Variants in SDK2 observed in about 807,000 individuals in gnomAD.
SDK2 encodes sidekick cell adhesion molecule 2.
A neutral mutation model predicts 253.9 loss-of-function variants in SDK2; 105 were observed. The ratio of observed to expected loss-of-function variants is 0.41; its 90% CI spans 0.35 to 0.49. The LOEUF is 0.49. Ranked by LOEUF, SDK2 falls within the 20% of genes least tolerant of loss-of-function variation. The pLI is 0.06. For synonymous variants in SDK2, 1,249 were observed against 1,234.9 expected, an observed-to-expected ratio of 1.01 and a Z score of -0.24; for missense variants, 2,608 against 3,003.0, an observed-to-expected ratio of 0.87 and a Z score of 3.07.
intron 34 of SDK2, 131 bp downstream of exon 34, chr17:73,380,763 A>G (rs2062823355): frequency 7.8e-6 from 6 of 765,040 alleles, no homozygotes; most frequent in Middle Eastern, 2.2e-4. Flanking sequence ...TGTTCAGGGT[A>G]GTCCCGTTTC....
intron 18 of SDK2, among the ~76,000 whole-genome samples, chr17:73,410,375 G>A (rs934580890): frequency 1.1e-4 from 17 of 152,106 alleles, no homozygotes; most frequent in Non-Finnish European, 1.8e-4. Flanking sequence ...GCGAAGTGGC[G>A]TGATCTCAGC....
intron 1 of SDK2, among the ~76,000 whole-genome samples, chr17:73,569,838 A>G (rs961518978): frequency 1.3e-5 from 2 of 152,166 alleles, no homozygotes; most frequent in African/African-American, 4.8e-5. Flanking sequence ...TTGATCTGTA[A>G]GCCTGTACCC....
chr17:73,384,462 C>T (rs2062856463), intron 32 of SDK2, among the ~76,000 whole-genome samples: 1 of 152,184 alleles, frequency 6.6e-6, no homozygotes, highest in South Asian at 2.1e-4. Context: ...GCAAGCTGAG[C>T]CCTCTCCTAC....
Position 73,352,628 on chromosome 17 carries a change from A to T in SDK2, c.5603T>A (p.Leu1868Gln). Residue 1868 changes from leucine to glutamine, a missense_variant, in exon 41 of 45, where the codon CTA (leucine) becomes CAA (glutamine). Coordinates refer to ENST00000392650, the MANE Select transcript of SDK2 (RefSeq NM_001144952.2). The surrounding 1 kb of genome is among the most constrained non-coding windows in gnomAD (Gnocchi z 4.1). ...VIEARPSDEG[L>Q]WDILIKDIPK... ...GATGTCTTTGATGAGGATGTCCCAT[A>T]GTCCCTCGTCTGCAGGAGCACAGAG... is the stretch of plus-strand genomic sequence containing the variant. 1.2e-6 allele frequency: 2 copies of T among 1,613,926 alleles called. No individual in the cohort carries two copies. The highest frequency in any genetic ancestry group is 2.2e-5 in the South Asian group (2 of 91,076).
chr17:73,506,046 C>T (rs1268647152), intron 2 of SDK2, among the ~76,000 whole-genome samples: 1 of 152,362 alleles, frequency 6.6e-6, no homozygotes, highest in Non-Finnish European at 1.5e-5. Flanking sequence ...ATCCTGCCTC[C>T]GGCTCCCAGC....
At chr17:73,581,354 C>A (rs2045531791) in intron 1 of SDK2, among the ~76,000 whole-genome samples, 2 of 152,212 alleles carry the variant, frequency 1.3e-5, no homozygotes. Flanking sequence ...TCCCCTTAAA[C>A]TGGTCCTAAG....
intron 4 of SDK2, among the ~76,000 whole-genome samples, chr17:73,450,826 C>T (rs564586153): frequency 5.3e-5 from 8 of 152,318 alleles, no homozygotes; most frequent in Middle Eastern, 6.8e-3. Context: ...GCACGCATCC[C>T]GTGGTGCACA....
At chr17:73,509,671 G>A (rs531641731) in intron 1 of SDK2, among the ~76,000 whole-genome samples, 16 of 150,890 alleles carry the variant, frequency 1.1e-4, no homozygotes, top group African/African-American at 3.6e-4. Context: ...GGCTGAGGCA[G>A]GTGGATTGCC....
chr17:73,462,568 G>T (rs1333256528), intron 3 of SDK2, among the ~76,000 whole-genome samples: 6 of 152,068 alleles, frequency 3.9e-5, no homozygotes, highest in Non-Finnish European at 8.8e-5. Context: ...ATGTTTGTAT[G>T]GTGAGAGGGG....
At chr17:73,601,324 G>A (rs917224272) in intron 1 of SDK2, among the ~76,000 whole-genome samples, 1 of 152,012 alleles carries the variant, frequency 6.6e-6, no homozygotes, top group African/African-American at 2.4e-5. Context: ...CTGGCCTTAC[G>A]AATGATCTAA....
intron 2 of SDK2, among the ~76,000 whole-genome samples, chr17:73,483,683 T>G (rs58806840): frequency 0.29 from 11,789 of 41,288 alleles, 2,040 homozygotes; most frequent in East Asian, 0.47. Flanking sequence ...ATATATATAT[T>G]TATATATATA....
chr17:73,445,878 A>G (rs1192516724), intron 5 of SDK2, among the ~76,000 whole-genome samples: 2 of 152,174 alleles, frequency 1.3e-5, no homozygotes, highest in Non-Finnish European at 2.9e-5. Context: ...GGGTGGGAGA[A>G]GCAGGTGACT....
In SDK2 at chr17:73,455,909, C is replaced by G; in HGVS notation, c.476G>C (p.Arg159Pro). 1.3e-6 allele frequency: 2 copies of G among 1,542,034 alleles called. No homozygotes were observed. The highest frequency in any genetic ancestry group is 1.7e-6 in the Non-Finnish European group (2 of 1,146,126). ...RDGRKIPPSS[R>P]IAITLENTLV... ...CCCCTCAGAGCGATGCACTCACATG[C>G]GGCTGCTGGGCGGGATCTTGCGGCC... Residue 159 changes from arginine (R) to proline (P), a missense_variant, in exon 4 of 45, where the codon CGC becomes CCC. Arg to Pro is a moderately radical substitution (Grantham distance 103, BLOSUM62 -2). This residue lies in a region of SDK2 where 1,505 missense variants were observed against 1,859.1 expected (regional missense o/e 0.81). Coordinates refer to ENST00000392650, the MANE Select transcript of SDK2 (RefSeq NM_001144952.2). This position sits in a 1 kb window ranked among gnomAD's most constrained non-coding sequence, Gnocchi z 5.0.
Position 73,398,322 on chromosome 17 carries a change from G to A in SDK2, c.3201C>T (p.Tyr1067=), listed in dbSNP as rs2062989551. The A allele has an allele frequency of 6.2e-7, 1 of 1,613,836 alleles. No individual in the cohort carries two copies. The highest frequency in any genetic ancestry group is 8.5e-7 in the Non-Finnish European group (1 of 1,179,744). ...EVPDLNPFTC[Y]SFRMRQVNIV... is the part of the protein sequence containing the mutation. ...TCTCCCCGGGCCAGTCTCATTACCT[G>A]TAGCAGGTGAAGGGGTTGAGGTCGG... Residue 1067 remains tyrosine (Y), a splice_region_variant and synonymous_variant, in exon 23 of 45, where the codon TAC becomes TAT. Coordinates refer to ENST00000392650, the MANE Select transcript of SDK2 (RefSeq NM_001144952.2).
intron 1 of SDK2, among the ~76,000 whole-genome samples, chr17:73,556,246 G>A (rs1255039158): frequency 6.6e-6 from 1 of 152,342 alleles, no homozygotes; most frequent in African/African-American, 2.4e-5. Flanking sequence ...GATCAACAGA[G>A]CAAAACAGCT....
At chr17:73,483,689 A>ATATGTGTGTGTGTGTGTGTGTGTGTG (rs1567799405) in intron 2 of SDK2, among the ~76,000 whole-genome samples, 15 of 67,798 alleles carry the variant, frequency 2.2e-4, no homozygotes, top group African/African-American at 7.2e-4. Flanking sequence ...ATATTTATAT[A>ATATGTGTGTGTGTGTGTGTGTGTGTG]TATATATATA....
chr17:73,402,012 G>C lies in SDK2; in HGVS notation c.2614C>G (p.Leu872Val). ...KKFTEYFTSVLCFTTPGDGPR... is the reference protein window; with the variant it reads ...KKFTEYFTSVVCFTTPGDGPR... The stretch of plus-strand genomic sequence containing the variant: ...CCGTCCCCGGGGGTGGTGAAACACA[G>C]CACTGAGGTGAAGTACTCGGTGAAC... Residue 872 changes from leucine to valine, a missense_variant, in exon 19 of 45, where the codon CTG becomes GTG. By Grantham distance (32) the Leu-to-Val change is conservative. Coordinates refer to ENST00000392650, the MANE Select transcript of SDK2 (RefSeq NM_001144952.2). 1 of 1,613,858 alleles carries C rather than the reference G, an allele frequency of 6.2e-7. No individual in the cohort carries two copies. The highest frequency in any genetic ancestry group is 8.5e-7 in the Non-Finnish European group (1 of 1,179,844).
At chr17:73,429,419 G>A (rs1257937964) in intron 12 of SDK2, among the ~76,000 whole-genome samples, 1 of 152,232 alleles carries the variant, frequency 6.6e-6, no homozygotes, top group Non-Finnish European at 1.5e-5. Context: ...CACTTCATGA[G>A]GTGTTTCTCA....
chr17:73,592,719 C>T (rs1346022457), intron 1 of SDK2, among the ~76,000 whole-genome samples: 2 of 152,186 alleles, frequency 1.3e-5, no homozygotes, highest in Admixed American at 6.6e-5. Flanking sequence ...GACGGGAAGA[C>T]GGAACAGTCA....
Sources: allele counts gnomAD v4.1 joint callset (sites outside exome capture counted in the v4.1 genomes callset), GRCh38; gene constraint gnomAD v4.1.1; regional missense constraint gnomAD v4.1.1; non-coding constraint Gnocchi (gnomAD v3.1); transcripts MANE v1.5; gene names NCBI Gene and HGNC (gene_info 2026-07-23, HGNC 2026-07-21).